Variants in WRN observed in about 807,000 individuals in gnomAD.
WRN encodes the protein WRN RecQ like helicase.
Under a neutral mutation model 180.7 loss-of-function variants are expected in WRN, and 149 were observed. That is an observed-to-expected ratio of 0.82 (90% CI 0.72 to 0.94). WRN has a LOEUF of 0.94. Ranked by LOEUF, WRN falls within the 40% of genes least tolerant of loss-of-function variation. The probability of loss-of-function intolerance (pLI) is 0.00; values close to 1 mark genes in which losing one functional copy is unlikely to be tolerated. For missense variants in WRN, 1,661 were observed against 1,700.1 expected, an observed-to-expected ratio of 0.98 and a Z score of 0.40; for synonymous variants, 548 against 568.9, an observed-to-expected ratio of 0.96 and a Z score of 0.52.
intron 32 of WRN, among the ~76,000 whole-genome samples, chr8:31,156,625 A>AAAATGTATT (rs1803396502): frequency 6.6e-6 from 1 of 152,242 alleles, no homozygotes; most frequent in Non-Finnish European, 1.5e-5. Flanking sequence ...GTCTAAATTC[A>AAAATGTATT]GACTTTGAAA....
intron 16 of WRN, among the ~76,000 whole-genome samples, chr8:31,096,261 TTAAG>T (rs1255383190): frequency 6.6e-6 from 1 of 152,184 alleles, no homozygotes; most frequent in Non-Finnish European, 1.5e-5. Flanking sequence ...ATATAGAAAA[TTAAG>T]TTTCATTACA....
rs149191790 is a variant in WRN at position 31,077,531 on chromosome 8, C to T, written c.839+1244C>T. 4.8e-3 allele frequency among the ~76,000 whole-genome samples: 728 copies of T among 152,250 alleles called. 4 individuals are homozygous for T. Among genetic ancestry groups the T allele is most frequent in the African/African-American group, 0.017 (708 of 41,526 alleles). ...TGCTGGGATTACAGGCGTTAGCCACCGCGCCCAGCCTGAAAGATGAACTTT... is the reference window on the plus strand; with the variant it reads ...TGCTGGGATTACAGGCGTTAGCCACTGCGCCCAGCCTGAAAGATGAACTTT... On this transcript the variant is annotated intron_variant, in intron 8 of 34. Transcript: ENST00000298139.
intron 19 of WRN, 31 bp downstream of exon 19, chr8:31,111,830 A>G: frequency 6.2e-7 from 1 of 1,607,782 alleles, no homozygotes; most frequent in Non-Finnish European, 8.5e-7. Flanking sequence ...GAATTTTGGT[A>G]ATGATTTCCT....
Position 31,085,175 on chromosome 8 carries a change from C to T in WRN, c.1360C>T (p.Pro454Ser). 1 of 1,612,484 alleles carries T rather than the reference C, an allele frequency of 6.2e-7. No individual in the cohort carries two copies. The highest frequency in any genetic ancestry group is 8.5e-7 in the Non-Finnish European group (1 of 1,179,272). ...ATACTTTTTTTTAAAGCATTTATCT[C>T]CCAATGATAATGAAAACGATACGTC... is the stretch of plus-strand genomic sequence containing the variant. Reference protein sequence around the residue: ...LEMEMLKHLSPNDNENDTSYV... With the variant: ...LEMEMLKHLSSNDNENDTSYV... The change falls in exon 11 of 35, where the codon CCC becomes TCC. Residue 454 changes from proline to serine, a missense_variant. By Grantham distance (74) the Pro-to-Ser change is moderately conservative (BLOSUM62 -1). This residue lies in a region of WRN where 20 missense variants were observed against 46.7 expected (regional missense o/e 0.43). Coordinates refer to ENST00000298139, the MANE Select transcript of WRN (RefSeq NM_000553.6).
chr8:31,152,392 T>TA (rs1477833338), intron 31 of WRN, among the ~76,000 whole-genome samples: 6 of 152,044 alleles, frequency 3.9e-5, no homozygotes, highest in Non-Finnish European at 8.8e-5. Flanking sequence ...TTATTTATTT[T>TA]AAAAAAATTC....
chr8:31,162,617 CT>C (rs1455427547), intron 33 of WRN, among the ~76,000 whole-genome samples: 3 of 152,160 alleles, frequency 2.0e-5, no homozygotes, highest in Admixed American at 2.0e-4. Flanking sequence ...ACATGCTAGA[CT>C]TTTACACAGC....
At chr8:31,118,306 C>T (rs17651216) in intron 20 of WRN, among the ~76,000 whole-genome samples, 24,493 of 151,924 alleles carry the variant, frequency 0.16, 2,111 homozygotes, top group South Asian at 0.25. Flanking sequence ...ATCCACATTA[C>T]GAAAATTTAA....
chr8:31,115,671 A>G (rs552234723), intron 19 of WRN, among the ~76,000 whole-genome samples: 50 of 152,314 alleles, frequency 3.3e-4, no homozygotes, highest in African/African-American at 1.2e-3. Context: ...GCATAAATGA[A>G]TGCACTTATG....
chr8:31,135,460 A>G (rs902698960), intron 24 of WRN, among the ~76,000 whole-genome samples: 1 of 152,216 alleles, frequency 6.6e-6, no homozygotes, highest in African/African-American at 2.4e-5. Context: ...TCAAAGCTAA[A>G]TTAGATGAGA....
chr8:31,060,336 G>A (rs1812441760), intron 3 of WRN, among the ~76,000 whole-genome samples: 2 of 152,174 alleles, frequency 1.3e-5, no homozygotes, highest in Non-Finnish European at 2.9e-5. Context: ...GGAGGCCAAG[G>A]CAGGAGGATT....
intron 28 of WRN, among the ~76,000 whole-genome samples, chr8:31,145,688 T>G (rs1042313104): frequency 6.6e-6 from 1 of 152,322 alleles, no homozygotes; most frequent in African/African-American, 2.4e-5. Flanking sequence ...TAGATAGTGA[T>G]TATCAGAGAT....
intron 20 of WRN, among the ~76,000 whole-genome samples, chr8:31,118,460 A>G (rs1801598656): frequency 6.6e-6 from 1 of 152,068 alleles, no homozygotes; most frequent in Admixed American, 6.6e-5. Context: ...CTTTGTAAAG[A>G]TGATGAAAGT....
At chr8:31,151,538 TA>T (rs1222740878) in intron 31 of WRN, among the ~76,000 whole-genome samples, 1 of 152,220 alleles carries the variant, frequency 6.6e-6, no homozygotes, top group Non-Finnish European at 1.5e-5. Flanking sequence ...AATGAAATTA[TA>T]ATGTCTTAAT....
chr8:31,140,745 T>TG (rs1419371799), intron 24 of WRN, among the ~76,000 whole-genome samples: 16 of 151,928 alleles, frequency 1.1e-4, no homozygotes, highest in African/African-American at 9.7e-5. Flanking sequence ...CGCATTGCGT[T>TG]TTTTTGTTTT....
intron 18 of WRN, among the ~76,000 whole-genome samples, chr8:31,103,894 C>G (rs975626709): frequency 2.0e-5 from 3 of 152,000 alleles, no homozygotes; most frequent in Non-Finnish European, 4.4e-5. Flanking sequence ...GCCACTGTGC[C>G]CGGCTAATTT....
At chr8:31,125,948 A>C (rs2130349483) in intron 23 of WRN, among the ~76,000 whole-genome samples, 1 of 149,852 alleles carries the variant, frequency 6.7e-6, no homozygotes, top group Middle Eastern at 3.4e-3. Flanking sequence ...ATTAATCATC[A>C]CAACCAAGAA....
intron 23 of WRN, among the ~76,000 whole-genome samples, chr8:31,129,164 G>T (rs1290017773): frequency 6.6e-6 from 1 of 151,916 alleles, no homozygotes; most frequent in Non-Finnish European, 1.5e-5. Flanking sequence ...TTTTTTTTTG[G>T]TAGAGACAGT....
chr8:31,038,774 A>G (rs1585381112), intron 1 of WRN, among the ~76,000 whole-genome samples: 2 of 152,150 alleles, frequency 1.3e-5, no homozygotes, highest in African/African-American at 4.8e-5. Flanking sequence ...TAGGGGTCCA[A>G]CTTCACTCTT....
intron 26 of WRN, among the ~76,000 whole-genome samples, chr8:31,142,390 A>C (rs1374477549): frequency 6.6e-6 from 1 of 152,226 alleles, no homozygotes; most frequent in Non-Finnish European, 1.5e-5. Flanking sequence ...TGGAAAGGGA[A>C]TACATTTGTT....
Sources: allele counts gnomAD v4.1 joint callset (sites outside exome capture counted in the v4.1 genomes callset), GRCh38; gene constraint gnomAD v4.1.1; regional missense constraint gnomAD v4.1.1; transcripts MANE v1.5; gene names NCBI Gene and HGNC (gene_info 2026-07-23, HGNC 2026-07-21).